C1GALT1: variants seen among roughly 807,000 people sequenced by gnomAD.
C1GALT1 encodes the protein glycoprotein-N-acetylgalactosamine 3-beta-galactosyltransferase 1.
In C1GALT1, 11 loss-of-function variants were observed where a neutral mutation model predicts 31.0. The observed-to-expected ratio is 0.36, with a 90% CI of 0.22 to 0.59. C1GALT1 has a LOEUF of 0.59. Among genes scored for constraint, C1GALT1 ranks in the 20% least tolerant of loss-of-function variants. The probability of loss-of-function intolerance (pLI) is 0.79; values close to 1 mark genes in which losing one functional copy is unlikely to be tolerated. For synonymous variants in C1GALT1, 175 were observed against 143.6 expected (o/e 1.22, Z -1.56); for missense variants, 424 against 425.2 (o/e 1.00, Z 0.03).
intron 3 of C1GALT1, among the ~76,000 whole-genome samples, chr7:7,240,934 G>A (rs1038132427): frequency 1.3e-5 from 2 of 151,846 alleles, no homozygotes; most frequent in African/African-American, 4.8e-5. Context: ...GCAAGTCAGG[G>A]TAAAAGATAT....
At chr7:7,208,068 C>T (rs913833796) in intron 1 of C1GALT1, among the ~76,000 whole-genome samples, 1 of 152,112 alleles carries the variant, frequency 6.6e-6, no homozygotes, top group Non-Finnish European at 1.5e-5. Flanking sequence ...CTGCTTGGGA[C>T]ATGAATTATC....
rs1187903993 is a variant in C1GALT1 at position 7,182,755 on chromosome 7, C to A, written c.-83C>A. ...CGGCTGCCCAGAGAAGCAAAGGTCA[C>A]CAGTCCCAAGTCGTCCCCCTCTCCG... On this transcript the variant is annotated 5_prime_UTR_variant, in exon 1 of 4. Coordinates refer to ENST00000436587, the MANE Select transcript of C1GALT1 (RefSeq NM_020156.5). 2.0e-6 allele frequency: 2 copies of A among 977,272 alleles called. No homozygotes were observed. The highest frequency in any genetic ancestry group is 1.2e-6 in the Non-Finnish European group (1 of 822,410). The allele number at this position is 977,272 out of a possible 1,614,324, so 60.5% of individuals were successfully genotyped here. A position where few individuals can be genotyped will look rare whatever the true frequency, so the allele number is the denominator to read the frequency against.
rs1783202266 is a variant in C1GALT1 at position 7,233,809 on chromosome 7, G to GT, written c.-17-491dup. Among the ~76,000 whole-genome samples, 5 of 152,084 alleles carry GT rather than the reference G, an allele frequency of 3.3e-5. No homozygotes were observed. The South Asian group carries it at 1.0e-3, about 32-fold the overall frequency. On this transcript the variant is annotated intron_variant, in intron 1 of 3. Transcript: ENST00000436587. ...CCACAAGCTACAAGTGTTTTTTTAC[G>GT]TTTATAAAGGATTGTTTAAGAAGAA...
At chr7:7,237,913 AT>A (rs2128250783) in intron 2 of C1GALT1, among the ~76,000 whole-genome samples, 1 of 152,322 alleles carries the variant, frequency 6.6e-6, no homozygotes, top group African/African-American at 2.4e-5. Context: ...ACTTATTAAA[AT>A]GCTGATTCTG....
intron 2 of C1GALT1, among the ~76,000 whole-genome samples, chr7:7,237,768 G>A (rs1562597078): frequency 1.3e-5 from 2 of 152,114 alleles, no homozygotes; most frequent in Non-Finnish European, 2.9e-5. Context: ...TGTCTTTCCT[G>A]CTCTTCAGAA....
rs578190970 is a variant in C1GALT1 at position 7,159,274 on chromosome 7, A to G, written c.-18+1848A>G. 3.3e-5 allele frequency among the ~76,000 whole-genome samples: 5 copies of G among 152,290 alleles called. No individual in the cohort carries two copies. In the South Asian group the frequency reaches 8.3e-4, roughly 25 times the overall value. ...AGTACTTAATTTTTATTTTTGAACG[A>G]CTGTAATATTGACCACCTTTTCTCT... is the stretch of plus-strand genomic sequence containing the variant. On this transcript the variant is annotated intron_variant, in intron 2 of 3. Transcript: ENST00000429911.
chr7:7,220,995 A>AAAGT (rs34654326), intron 1 of C1GALT1, among the ~76,000 whole-genome samples: 62,872 of 151,678 alleles, frequency 0.41, 13,460 homozygotes, highest in East Asian at 0.55. Context: ...CCTCTCTCTG[A>AAAGT]AAGTTTGCAG....
At chr7:7,200,871 G>T (rs564777709) in intron 1 of C1GALT1, among the ~76,000 whole-genome samples, 2 of 152,112 alleles carry the variant, frequency 1.3e-5, no homozygotes, top group African/African-American at 4.8e-5. Flanking sequence ...ACTTCCCTAC[G>T]CTGTTTATTC....
chr7:7,162,077 T>TC (rs1171077176), intron 2 of C1GALT1, among the ~76,000 whole-genome samples: 21 of 150,894 alleles, frequency 1.4e-4, no homozygotes, highest in Admixed American at 2.0e-4. Context: ...CTTTTTTTTT[T>TC]TCTTTTTTTT....
intron 1 of C1GALT1, among the ~76,000 whole-genome samples, chr7:7,234,078 C>T (rs1302831916): frequency 2.0e-5 from 3 of 152,154 alleles, no homozygotes; most frequent in Non-Finnish European, 4.4e-5. Flanking sequence ...CTGACATACT[C>T]ATCCATACCC....
At chr7:7,235,121 T>C (rs1306767814) in intron 2 of C1GALT1, 2 of 152,318 alleles carry the variant, frequency 1.3e-5, no homozygotes, top group East Asian at 1.9e-4. Flanking sequence ...TTCTGTCCTT[T>C]AGCTGTTTGT....
At chr7:7,161,828 C>G (rs1780336366) in intron 2 of C1GALT1, among the ~76,000 whole-genome samples, 2 of 152,008 alleles carry the variant, frequency 1.3e-5, no homozygotes. Context: ...TTTCAAGTAT[C>G]CTTAAAATAT....
intron 2 of C1GALT1, among the ~76,000 whole-genome samples, chr7:7,173,718 A>G (rs1780477467): frequency 6.6e-6 from 1 of 152,150 alleles, no homozygotes; most frequent in East Asian, 1.9e-4. Flanking sequence ...TCTGCGCAAC[A>G]TGGTGAAACC....
chr7:7,202,149 C>T (rs1429602372), intron 1 of C1GALT1, among the ~76,000 whole-genome samples: 1 of 152,226 alleles, frequency 6.6e-6, no homozygotes, highest in Non-Finnish European at 1.5e-5. Context: ...TGTTCAGAGG[C>T]AGACATTCCC....
At chr7:7,242,924 G>A (rs989093219) in intron 3 of C1GALT1, among the ~76,000 whole-genome samples, 1 of 152,072 alleles carries the variant, frequency 6.6e-6, no homozygotes, top group African/African-American at 2.4e-5. Flanking sequence ...TACAAATGTG[G>A]AAATTAAAGC....
At chr7:7,207,800 T>C (rs561543053) in intron 1 of C1GALT1, among the ~76,000 whole-genome samples, 1 of 152,038 alleles carries the variant, frequency 6.6e-6, no homozygotes, top group South Asian at 2.1e-4. Flanking sequence ...GTTTTTTTTT[T>C]TTAATTGTTG....
At chr7:7,211,313 C>T (rs189402570) in intron 1 of C1GALT1, among the ~76,000 whole-genome samples, 157 of 152,290 alleles carry the variant, frequency 1.0e-3, no homozygotes, top group Non-Finnish European at 2.0e-3. Context: ...GGGGCTGAAG[C>T]TGGCGTTTTC....
chr7:7,234,343 T>C lies in C1GALT1; in HGVS notation c.24T>C (p.Asn8=). ...AAATGGCCTCTAAATCCTGGCTGAA[T>C]TTTTTAACCTTCCTCTGTGGATCAG... is the stretch of plus-strand genomic sequence containing the variant. MASKSWL[N]FLTFLCGSAI... Residue 8 remains asparagine, a synonymous_variant, in exon 2 of 4, where the codon AAT becomes AAC. Transcript: ENST00000436587. The C allele has an allele frequency of 6.2e-7, 1 of 1,613,766 alleles. No individual in the cohort carries two copies. Among genetic ancestry groups the C allele is most frequent in the Non-Finnish European group, 8.5e-7 (1 of 1,179,872 alleles).
At chr7:7,208,988 G>A (rs2128238221) in intron 1 of C1GALT1, among the ~76,000 whole-genome samples, 1 of 152,268 alleles carries the variant, frequency 6.6e-6, no homozygotes, top group East Asian at 1.9e-4. Flanking sequence ...GATTCTACCA[G>A]CGTAAGTGTT....
Sources: allele counts gnomAD v4.1 joint callset (sites outside exome capture counted in the v4.1 genomes callset), GRCh38; gene constraint gnomAD v4.1.1; transcripts MANE v1.5; gene names NCBI Gene and HGNC (gene_info 2026-07-23, HGNC 2026-07-21).